GALNT13: variants seen among roughly 807,000 people sequenced by gnomAD.
The protein encoded by GALNT13 is UDP-GalNAc:polypeptide N-acetylgalactosaminyltransferase 13.
A neutral mutation model predicts 64.2 loss-of-function variants in GALNT13; 28 were observed. The ratio of observed to expected loss-of-function variants is 0.44; its 90% CI spans 0.32 to 0.60. The LOEUF (loss-of-function observed/expected upper bound fraction) is 0.60. GALNT13 is among the 20% of genes least tolerant of loss of function. GALNT13 has a pLI of 0.05. For missense variants in GALNT13, 577 were observed against 669.8 expected, an observed-to-expected ratio of 0.86 and a Z score of 1.53; for synonymous variants, 214 against 224.6, an observed-to-expected ratio of 0.95 and a Z score of 0.42.
chr2:153,102,996 G>A, the GALNT13 span, among the ~76,000 whole-genome samples: 2 of 151,924 alleles, frequency 1.3e-5, no homozygotes, highest in Admixed American at 1.3e-4. Flanking sequence ...CACAGCCCAG[G>A]GTATTAATGC....
chr2:154,420,298 G>C (rs1026067737), intron 11 of GALNT13, among the ~76,000 whole-genome samples: 1 of 152,002 alleles, frequency 6.6e-6, no homozygotes, highest in African/African-American at 2.4e-5. Context: ...CTCCTCTAAA[G>C]CTCCTGTTAT....
the GALNT13 span, among the ~76,000 whole-genome samples, chr2:153,539,339 G>A: frequency 6.6e-6 from 1 of 151,816 alleles, no homozygotes; most frequent in Non-Finnish European, 1.5e-5. Flanking sequence ...CCATTCTGTA[G>A]GTTGCCTGTT....
At chr2:154,297,747 A>G (rs1279373763) in intron 8 of GALNT13, among the ~76,000 whole-genome samples, 1 of 152,222 alleles carries the variant, frequency 6.6e-6, no homozygotes, top group Non-Finnish European at 1.5e-5. Context: ...TAGATTGCAT[A>G]TGCATACAGA....
chr2:154,246,543 A>T (rs1005414815), intron 7 of GALNT13, among the ~76,000 whole-genome samples: 1 of 152,122 alleles, frequency 6.6e-6, no homozygotes, highest in African/African-American at 2.4e-5. Flanking sequence ...GTAATAAAAA[A>T]TATCATATAC....
chr2:153,525,715 G>A, the GALNT13 span, among the ~76,000 whole-genome samples: 3 of 152,152 alleles, frequency 2.0e-5, no homozygotes, highest in Non-Finnish European at 2.9e-5. Flanking sequence ...AAAAGGCTGG[G>A]GACCACTGGA....
At chr2:153,628,647 T>C in the GALNT13 span, among the ~76,000 whole-genome samples, 3 of 152,206 alleles carry the variant, frequency 2.0e-5, no homozygotes, top group African/African-American at 7.2e-5. Context: ...CTGGATTACA[T>C]TTATTGATTT....
At chr2:154,059,047 A>G (rs1700041369) in intron 3 of GALNT13, among the ~76,000 whole-genome samples, 1 of 152,182 alleles carries the variant, frequency 6.6e-6, no homozygotes, top group Non-Finnish European at 1.5e-5. Flanking sequence ...TGAAATAAAA[A>G]CCAAGTGTAT....
At chr2:153,911,134 T>G (rs1176528787) in intron 2 of GALNT13, among the ~76,000 whole-genome samples, 1 of 152,218 alleles carries the variant, frequency 6.6e-6, no homozygotes, top group Non-Finnish European at 1.5e-5. Flanking sequence ...TTTAGAATAG[T>G]CAGGTCTTGT....
intron 4 of GALNT13, among the ~76,000 whole-genome samples, chr2:154,235,175 G>A (rs1009572449): frequency 6.6e-6 from 1 of 152,082 alleles, no homozygotes; most frequent in Non-Finnish European, 1.5e-5. Flanking sequence ...AACAGAAGAA[G>A]CAAATAATTG....
chr2:153,792,974 T>TC, the GALNT13 span, among the ~76,000 whole-genome samples: 2 of 123,740 alleles, frequency 1.6e-5, no homozygotes, highest in East Asian at 2.0e-4. Flanking sequence ...TTCTTTCTTT[T>TC]TTTTTTTTTT....
chr2:153,478,424 C>A, the GALNT13 span: 4 of 1,614,056 alleles, frequency 2.5e-6, no homozygotes, highest in Non-Finnish European at 3.4e-6. Flanking sequence ...AGGCTACGCT[C>A]GTCCGGGCCT....
chr2:153,331,362 A>C, the GALNT13 span, among the ~76,000 whole-genome samples: 1 of 151,928 alleles, frequency 6.6e-6, no homozygotes, highest in South Asian at 2.1e-4. Context: ...CTGTGAGTTC[A>C]TCTGGTCTGG....
At chr2:153,952,058 G>A (rs1040246189) in intron 3 of GALNT13, among the ~76,000 whole-genome samples, 6 of 152,070 alleles carry the variant, frequency 3.9e-5, no homozygotes, top group African/African-American at 7.2e-5. Flanking sequence ...TAACCCTTTC[G>A]TGCCACTCTG....
intron 9 of GALNT13, among the ~76,000 whole-genome samples, chr2:154,319,730 A>G (rs1694521506): frequency 6.6e-6 from 1 of 152,020 alleles, no homozygotes; most frequent in East Asian, 1.9e-4. Flanking sequence ...CTTTGATGAT[A>G]CTTTATTCTA....
At chr2:154,076,120 A>G (rs748326272) in intron 3 of GALNT13, among the ~76,000 whole-genome samples, 1 of 151,622 alleles carries the variant, frequency 6.6e-6, no homozygotes, top group Non-Finnish European at 1.5e-5. Flanking sequence ...CTTCTTCATT[A>G]TAGTACCCAA....
the GALNT13 span, among the ~76,000 whole-genome samples, chr2:153,656,947 G>C: frequency 2.0e-5 from 3 of 152,038 alleles, no homozygotes; most frequent in Non-Finnish European, 4.4e-5. Context: ...TATAGCAATG[G>C]GAAAGAAAAA....
At chr2:153,680,244 G>C in the GALNT13 span, among the ~76,000 whole-genome samples, 1 of 151,788 alleles carries the variant, frequency 6.6e-6, no homozygotes, top group African/African-American at 2.4e-5. Flanking sequence ...AATGCCATAT[G>C]ACAGACGAAG....
chr2:153,579,846 T>C, the GALNT13 span, among the ~76,000 whole-genome samples: 1 of 152,146 alleles, frequency 6.6e-6, no homozygotes, highest in Admixed American at 6.5e-5. Flanking sequence ...TAATACCTGA[T>C]GACCCGAGGT....
In GALNT13 at chr2:153,977,014, TTTAAG is replaced by T. The variant is rs1480669747; in HGVS notation, c.142+32379_142+32383del. On this transcript the variant is annotated intron_variant, in intron 3 of 12. Transcript: ENST00000392825. Reference sequence around the variant, plus strand: ...AATTGAACTGATAAATCATTTTATCTTTAAGTTATTTTTAATATTGCTTTTGTCAA... The same window carrying T: ...AATTGAACTGATAAATCATTTTATCTTTATTTTTAATATTGCTTTTGTCAA... Among the ~76,000 whole-genome samples the T allele has an allele frequency of 2.0e-5, 3 of 152,286 alleles. No homozygotes were observed. The East Asian group carries it at 5.8e-4, about 29-fold the overall frequency.
Sources: allele counts gnomAD v4.1 joint callset (sites outside exome capture counted in the v4.1 genomes callset), GRCh38; gene constraint gnomAD v4.1.1; transcripts MANE v1.5; gene names NCBI Gene and HGNC (gene_info 2026-07-23, HGNC 2026-07-21).